The following ADAMTS19 variants were observed in gnomAD, a reference collection of about 807,000 sequenced individuals.
ADAMTS19 encodes A disintegrin and metalloproteinase with thrombospondin motifs 19.
A neutral mutation model predicts 153.3 loss-of-function variants in ADAMTS19; 93 were observed. That is an observed-to-expected ratio of 0.61 (90% CI 0.51 to 0.72). The LOEUF is 0.72. Among genes scored for constraint, ADAMTS19 ranks in the 30% least tolerant of loss-of-function variants. The pLI, the probability that ADAMTS19 is intolerant of heterozygous loss-of-function variation, is 0.00. For synonymous variants in ADAMTS19, 600 were observed against 556.6 expected, an observed-to-expected ratio of 1.08 and a Z score of -1.10; for missense variants, 1,482 against 1,552.1, an observed-to-expected ratio of 0.95 and a Z score of 0.76.
intron 7 of ADAMTS19, among the ~76,000 whole-genome samples, chr5:129,590,907 T>C (rs1365175789): frequency 6.6e-6 from 1 of 152,246 alleles, no homozygotes; most frequent in Non-Finnish European, 1.5e-5. Context: ...CATTACATGT[T>C]AATCTTTGTT....
intron 2 of ADAMTS19, among the ~76,000 whole-genome samples, chr5:129,504,761 T>C (rs1158901559): frequency 3.3e-5 from 5 of 152,094 alleles, no homozygotes; most frequent in Non-Finnish European, 1.5e-5. Flanking sequence ...TTTGTCTTTC[T>C]GTACCTTGCT....
intron 2 of ADAMTS19, among the ~76,000 whole-genome samples, chr5:129,506,849 C>G (rs1751282827): frequency 6.6e-6 from 1 of 151,786 alleles, no homozygotes; most frequent in African/African-American, 2.4e-5. Context: ...GCATTGCTTT[C>G]TGTTCCTTCT....
chr5:129,487,353 A>G lies in ADAMTS19; in HGVS notation c.748-21724A>G, dbSNP rs149481935. On this transcript the variant is annotated intron_variant, in intron 2 of 22. Transcript: ENST00000274487. ...ACAATGCATTTCGACAATAAATTTA[A>G]AACTCTTACCATTTTAAACTTCTAA... is the stretch of plus-strand genomic sequence containing the variant. Among the ~76,000 whole-genome samples, 438 of 152,234 alleles carry G rather than the reference A, an allele frequency of 2.9e-3. 3 individuals are homozygous for G. The highest frequency in any genetic ancestry group is 9.8e-3 in the African/African-American group (409 of 41,560).
chr5:129,461,176 C>T lies in ADAMTS19; in HGVS notation c.166C>T (p.Pro56Ser). 1 of 1,374,128 alleles carries T rather than the reference C, an allele frequency of 7.3e-7. No individual in the cohort carries two copies. Among genetic ancestry groups the T allele is most frequent in the Non-Finnish European group, 9.4e-7 (1 of 1,060,966 alleles). The allele number at this position is 1,374,128 out of a possible 1,614,324, so 85.1% of individuals were successfully genotyped here. A position where few individuals can be genotyped will look rare whatever the true frequency, so the allele number is the denominator to read the frequency against. ...PALWRREPVD[P>S]AGGSGGSADP... ...GCTCTGGCGCCGGGAGCCGGTGGAC[C>T]CGGCTGGCGGCAGCGGGGGCAGCGC... Residue 56 changes from proline (P) to serine (S), a missense_variant, in exon 2 of 23, where the codon CCG becomes TCG. Pro to Ser is a moderately conservative substitution (Grantham distance 74, BLOSUM62 -1). Transcript: ENST00000274487. This position sits in a 1 kb window ranked among gnomAD's most constrained non-coding sequence, Gnocchi z 4.6.
At chr5:129,707,453 TCAAA>T (rs377285680) in intron 21 of ADAMTS19, among the ~76,000 whole-genome samples, 74 of 152,322 alleles carry the variant, frequency 4.9e-4, no homozygotes, top group African/African-American at 1.7e-3. Context: ...CATCACAGAC[TCAAA>T]CAGTGTGCAC....
At chr5:129,695,349 A>G (rs1389041041) in intron 19 of ADAMTS19, among the ~76,000 whole-genome samples, 1 of 152,084 alleles carries the variant, frequency 6.6e-6, no homozygotes, top group East Asian at 1.9e-4. Context: ...CTGATCTCTC[A>G]CCACCAACTT....
intron 1 of ADAMTS19, 110 bp from the exon 2 acceptor site, chr5:129,460,992 A>T: frequency 8.0e-7 from 1 of 1,245,056 alleles, no homozygotes; most frequent in Non-Finnish European, 1.0e-6. Flanking sequence ...GGTGGTCTCC[A>T]TTGCATTCAA....
At chr5:129,615,092 G>A (rs1015006963) in intron 8 of ADAMTS19, among the ~76,000 whole-genome samples, 13 of 151,966 alleles carry the variant, frequency 8.6e-5, no homozygotes, top group African/African-American at 2.7e-4. Context: ...AATCAGTATC[G>A]TGAAAATGGC....
At chr5:129,499,237 T>C (rs1311479712) in intron 2 of ADAMTS19, among the ~76,000 whole-genome samples, 1 of 152,088 alleles carries the variant, frequency 6.6e-6, no homozygotes. Context: ...CAAGAAAGTA[T>C]ATGAAAATAG....
chr5:129,608,505 A>C (rs1014848902), intron 8 of ADAMTS19, among the ~76,000 whole-genome samples: 1 of 151,586 alleles, frequency 6.6e-6, no homozygotes, highest in Non-Finnish European at 1.5e-5. Context: ...GCTTCCAAGA[A>C]GAGTCCTTTT....
chr5:129,736,941 C>G, intron 22 of ADAMTS19, 126 bp from the exon 23 acceptor site: 2 of 849,748 alleles, frequency 2.4e-6, no homozygotes, highest in South Asian at 3.8e-5. Context: ...TGTTTAAATT[C>G]CAGAAGGTAA....
intron 2 of ADAMTS19, among the ~76,000 whole-genome samples, chr5:129,497,201 T>C (rs1482805669): frequency 2.6e-5 from 4 of 152,134 alleles, no homozygotes; most frequent in Non-Finnish European, 5.9e-5. Context: ...GCATTAATTC[T>C]GATTTTGTTT....
chr5:129,643,367 C>CAAAAAAAAAAAAAA (rs556007087), intron 11 of ADAMTS19, among the ~76,000 whole-genome samples: 2 of 40,314 alleles, frequency 5.0e-5, no homozygotes, highest in African/African-American at 7.4e-5. Flanking sequence ...GTTTCAAAGA[C>CAAAAAAAAAAAAAA]AAAAAAAAAA....
chr5:129,724,493 A>G (rs567598193), intron 21 of ADAMTS19, among the ~76,000 whole-genome samples: 2 of 152,282 alleles, frequency 1.3e-5, no homozygotes, highest in East Asian at 3.9e-4. Context: ...TGAGAAGCAT[A>G]AGGCAGAAGG....
Position 129,654,366 on chromosome 5 carries a change from A to G in ADAMTS19, c.2237A>G (p.Glu746Gly). The stretch of plus-strand genomic sequence containing the variant: ...AAAGAACAGCCTATTCTTCTATCAG[A>G]AAAAGTGATGGATGGAACTTCTTGT... ...VGKEQPILLS[E>G]KVMDGTSCGY... Residue 746 changes from glutamate (E) to glycine (G), a missense_variant, in exon 14 of 23, where the codon GAA becomes GGA. Physicochemically the swap from Glu to Gly is moderately conservative, Grantham distance 98. This residue lies in a region of ADAMTS19 where 616 missense variants were observed against 724.4 expected (regional missense o/e 0.85). Coordinates refer to ENST00000274487, the MANE Select transcript of ADAMTS19 (RefSeq NM_133638.6). The G allele has an allele frequency of 6.2e-7, 1 of 1,613,254 alleles. No individual in the cohort carries two copies. The highest frequency in any genetic ancestry group is 8.5e-7 in the Non-Finnish European group (1 of 1,179,728).
rs1239991250 is a variant in ADAMTS19 at position 129,658,307 on chromosome 5, G to GAAA, written c.2305-307_2305-305dup. ...TCTGAAAGAAAAAGAAAGAAAGAAA[G>GAAA]AAAAAGAAAGAAAGAAAGAAAGAAA... On this transcript the variant is annotated intron_variant, in intron 14 of 22. Transcript: ENST00000274487. Among the ~76,000 whole-genome samples the GAAA allele has an allele frequency of 5.8e-4, 48 of 82,270 alleles. 1 individual carries two copies. The highest frequency in any genetic ancestry group is 6.1e-3 in the Middle Eastern group (1 of 164). The allele number at this position is 82,270 out of a possible 152,430, so 54.0% of individuals were successfully genotyped here. A position where few individuals can be genotyped will look rare whatever the true frequency, so the allele number is the denominator to read the frequency against.
rs1296451123 is a variant in ADAMTS19 at position 129,509,236 on chromosome 5, A to G, written c.907A>G (p.Ile303Val). The stretch of plus-strand genomic sequence containing the variant: ...TCTTCACAGTCATTACTGTGGTATC[A>G]TTTCAGGTAAATGCCTTCTCCTGAA... ...SALHSHYCGI[I>V]SDKGRPRSRK... is the part of the protein sequence containing the mutation. Residue 303 changes from isoleucine to valine, a missense_variant, in exon 3 of 23, where the codon ATT becomes GTT. By Grantham distance (29) the Ile-to-Val change is conservative. This residue lies in a region of ADAMTS19 where 866 missense variants were observed against 827.7 expected (regional missense o/e 1.05). Transcript: ENST00000274487. 1 of 1,608,984 alleles carries G rather than the reference A, an allele frequency of 6.2e-7. No homozygotes were observed. Among genetic ancestry groups the G allele is most frequent in the African/African-American group, 1.3e-5 (1 of 74,816 alleles).
chr5:129,594,829 C>G (rs987696853), intron 7 of ADAMTS19, among the ~76,000 whole-genome samples: 2 of 151,956 alleles, frequency 1.3e-5, no homozygotes, highest in African/African-American at 4.8e-5. Context: ...TGTATCCTTA[C>G]CTTCATCTTT....
Position 129,647,763 on chromosome 5 carries a change from AG to A in ADAMTS19, c.1873-1del. 1 of 1,613,318 alleles carries A rather than the reference AG, an allele frequency of 6.2e-7. No individual in the cohort carries two copies. ...TCACCTAAGACATAACTTTTGGAAT[AG>A]TGGTGTAAGGCTGGAGAATGTACCA... On this transcript the variant is annotated splice_acceptor_variant, in intron 11 of 22. Coordinates refer to ENST00000274487, the MANE Select transcript of ADAMTS19 (RefSeq NM_133638.6). LOFTEE classifies it high-confidence loss of function.
Sources: allele counts gnomAD v4.1 joint callset (sites outside exome capture counted in the v4.1 genomes callset), GRCh38; gene constraint gnomAD v4.1.1; regional missense constraint gnomAD v4.1.1; non-coding constraint Gnocchi (gnomAD v3.1); transcripts MANE v1.5; gene names NCBI Gene and HGNC (gene_info 2026-07-23, HGNC 2026-07-21).